MINDY3: variants seen among roughly 807,000 people sequenced by gnomAD.
MINDY3 encodes MINDY lysine 48 deubiquitinase 3.
MINDY3 carries 38 observed loss-of-function variants against 69.2 expected under a neutral mutation model. That is an observed-to-expected ratio of 0.55 (90% CI 0.42 to 0.72). The LOEUF (loss-of-function observed/expected upper bound fraction) is 0.72. Ranked by LOEUF, MINDY3 falls within the 30% of genes least tolerant of loss-of-function variation. MINDY3 has a pLI of 0.00. For synonymous variants in MINDY3, 192 were observed against 180.1 expected (o/e 1.07, Z -0.53); for missense variants, 522 against 519.0 (o/e 1.01, Z -0.06).
At chr10:15,839,500 A>T (rs1250078362) in intron 4 of MINDY3, among the ~76,000 whole-genome samples, 2 of 151,762 alleles carry the variant, frequency 1.3e-5, no homozygotes, top group Non-Finnish European at 3.0e-5. Context: ...ATCTTTTCCA[A>T]ATTATACTGC....
chr10:15,823,040 T>C (rs1839874755), intron 8 of MINDY3, among the ~76,000 whole-genome samples: 1 of 152,174 alleles, frequency 6.6e-6, no homozygotes, highest in South Asian at 2.1e-4. Context: ...AGGATATATT[T>C]TCTTATCAAT....
intron 10 of MINDY3, among the ~76,000 whole-genome samples, chr10:15,808,508 T>C (rs1383623913): frequency 1.3e-5 from 2 of 152,152 alleles, no homozygotes; most frequent in Non-Finnish European, 1.5e-5. Context: ...CGCAGTGTTT[T>C]TCCTGTTACA....
In MINDY3 at chr10:15,813,168, C is replaced by T. The variant is rs145026603; in HGVS notation, c.882+3667G>A. On this transcript the variant is annotated intron_variant, in intron 10 of 14. Coordinates refer to ENST00000277632, the MANE Select transcript of MINDY3 (RefSeq NM_024948.4). ...CTCCCACTACCAATTTTTAACAAGT[C>T]TAGTTGTCCTAACTCTTAGTATCAA... 2.8e-3 allele frequency among the ~76,000 whole-genome samples: 434 copies of T among 152,304 alleles called. 3 individuals carry two copies. Among genetic ancestry groups the T allele is most frequent in the African/African-American group, 9.9e-3 (411 of 41,582 alleles).
At chr10:15,858,590 T>C (rs923650063) in intron 1 of MINDY3, among the ~76,000 whole-genome samples, 1 of 152,206 alleles carries the variant, frequency 6.6e-6, no homozygotes, top group African/African-American at 2.4e-5. Flanking sequence ...TTATCTGTAC[T>C]TTACAGAGAA....
intron 11 of MINDY3, 145 bp from the exon 12 acceptor site, chr10:15,789,464 G>C: frequency 1.7e-6 from 1 of 573,284 alleles, no homozygotes; most frequent in Non-Finnish European, 3.1e-6. Context: ...TTTAGGCATA[G>C]TGCCTATTGC....
Position 15,813,172 on chromosome 10 carries a change from T to C in MINDY3, c.882+3663A>G, listed in dbSNP as rs552345709. On this transcript the variant is annotated intron_variant, in intron 10 of 14. Transcript: ENST00000277632. ...CACTACCAATTTTTAACAAGTCTAG[T>C]TGTCCTAACTCTTAGTATCAAAGAG... 6.1e-4 allele frequency among the ~76,000 whole-genome samples: 93 copies of C among 152,344 alleles called. No individual in the cohort carries two copies. In the South Asian group the frequency reaches 0.011, roughly 19 times the overall value.
Position 15,841,439 on chromosome 10 carries a change from T to C in MINDY3, c.396A>G (p.Gln132=). 6.2e-7 allele frequency: 1 copy of C among 1,607,972 alleles called. No individual in the cohort carries two copies. Residue 132 remains glutamine (Q), a synonymous_variant, in exon 4 of 15, where the codon CAA becomes CAG. Transcript: ENST00000277632. ...AATATATCTTACAAGAATGTTCCAC[T>C]TGGCAACTAGACTCTGCAGGACTCC... ...ISGSPAESSC[Q]VEHSSALAVE...
intron 2 of MINDY3, among the ~76,000 whole-genome samples, chr10:15,846,288 T>C (rs868407657): frequency 2.6e-5 from 4 of 152,338 alleles, no homozygotes; most frequent in Middle Eastern, 3.4e-3. Flanking sequence ...TCCATTTAAC[T>C]ATATTCATGC....
At chr10:15,793,079 C>T (rs184257079) in intron 11 of MINDY3, among the ~76,000 whole-genome samples, 3 of 152,188 alleles carry the variant, frequency 2.0e-5, no homozygotes, top group Admixed American at 2.0e-4. Context: ...TTGTTGTTGT[C>T]CAGTATCTTT....
At chr10:15,808,394 C>T (rs891591017) in intron 10 of MINDY3, among the ~76,000 whole-genome samples, 2 of 152,186 alleles carry the variant, frequency 1.3e-5, no homozygotes, top group African/African-American at 4.8e-5. Flanking sequence ...TAAAGCACCA[C>T]TTTACAGCTT....
At chr10:15,779,791 A>T (rs576257870) in intron 14 of MINDY3, among the ~76,000 whole-genome samples, 1 of 152,360 alleles carries the variant, frequency 6.6e-6, no homozygotes, top group East Asian at 1.9e-4. Context: ...TTGAAAGATC[A>T]AACTAACCAG....
At position 15,847,940 on chromosome 10, in the gene MINDY3, A is replaced by G; in HGVS notation, c.98T>C (p.Phe33Ser). Residue 33 changes from phenylalanine to serine, a missense_variant, in exon 2 of 15, where the codon TTT becomes TCT. Transcript: ENST00000277632. The part of the protein sequence containing the change: ...DTIFCRWTQG[F>S]VFSESEGSAL... The stretch of plus-strand genomic sequence containing the variant: ...AGATCCCTCTGATTCACTAAACACA[A>G]ACCCTAAAAATGAAAGCAAGTAGGA... The G allele has an allele frequency of 6.2e-7, 1 of 1,613,398 alleles. No homozygotes were observed. Among genetic ancestry groups the G allele is most frequent in the Non-Finnish European group, 8.5e-7 (1 of 1,179,342 alleles).
At chr10:15,789,958 TG>T (rs770599365) in intron 11 of MINDY3, among the ~76,000 whole-genome samples, 1 of 152,138 alleles carries the variant, frequency 6.6e-6, no homozygotes, top group Non-Finnish European at 1.5e-5. Flanking sequence ...AAAGTCCTTG[TG>T]GGGTAGTTTG....
chr10:15,812,125 A>T (rs148530209), intron 10 of MINDY3, among the ~76,000 whole-genome samples: 1 of 152,074 alleles, frequency 6.6e-6, no homozygotes, highest in African/African-American at 2.4e-5. Flanking sequence ...TATTCTTAGT[A>T]GAGATGGGTT....
At chr10:15,822,435 G>C (rs1199665284) in intron 8 of MINDY3, among the ~76,000 whole-genome samples, 1 of 152,154 alleles carries the variant, frequency 6.6e-6, no homozygotes, top group Non-Finnish European at 1.5e-5. Flanking sequence ...GCGTATTACA[G>C]TTCTCCAGGC....
chr10:15,819,055 G>T (rs564589998), intron 9 of MINDY3, among the ~76,000 whole-genome samples: 2 of 152,286 alleles, frequency 1.3e-5, no homozygotes, highest in African/African-American at 4.8e-5. Context: ...TCTTTGTTGG[G>T]TTTGTACGTG....
At chr10:15,857,529 A>G (rs1354112192) in intron 1 of MINDY3, among the ~76,000 whole-genome samples, 1 of 152,178 alleles carries the variant, frequency 6.6e-6, no homozygotes, top group Admixed American at 6.5e-5. Context: ...AGGAAGTGAA[A>G]ATTATATGCT....
intron 11 of MINDY3, among the ~76,000 whole-genome samples, chr10:15,794,564 G>A (rs1837663967): frequency 2.0e-5 from 3 of 152,000 alleles, no homozygotes; most frequent in Admixed American, 2.0e-4. Flanking sequence ...TAACTCTGTA[G>A]ATTAAAAGCA....
At chr10:15,787,282 A>C (rs566783554) in intron 12 of MINDY3, among the ~76,000 whole-genome samples, 1 of 152,162 alleles carries the variant, frequency 6.6e-6, no homozygotes, top group Non-Finnish European at 1.5e-5. Context: ...CAGGTGTACC[A>C]AGGCTGGTGA....
Sources: gnomAD v4.1 joint callset for allele counts (sites outside exome capture counted in the v4.1 genomes callset) on GRCh38, gnomAD v4.1.1 for gene constraint, MANE v1.5 for transcripts, NCBI Gene and HGNC (gene_info 2026-07-23, HGNC 2026-07-21) for gene names.